The following TLL2 variants were observed in gnomAD, a reference collection of about 807,000 sequenced individuals.
The protein encoded by TLL2 is tolloid like 2, also known as tolloid-like protein 2.
Under a neutral mutation model 123.0 loss-of-function variants are expected in TLL2, and 106 were observed. The ratio of observed to expected loss-of-function variants is 0.86; its 90% confidence interval spans 0.74 to 1.01. TLL2 has a LOEUF of 1.01. Among genes scored for constraint, TLL2 ranks in the 50% least tolerant of loss-of-function variants. The probability of loss-of-function intolerance (pLI) is 0.00; values close to 1 mark genes in which losing one functional copy is unlikely to be tolerated. For synonymous variants in TLL2, 494 were observed against 516.8 expected (o/e 0.96, Z 0.60); for missense variants, 1,332 against 1,336.7 (o/e 1.00, Z 0.06).
At chr10:96,407,643 C>A (rs1475538883) in intron 9 of TLL2, among the ~76,000 whole-genome samples, 1 of 152,250 alleles carries the variant, frequency 6.6e-6, no homozygotes, top group Admixed American at 6.5e-5. Flanking sequence ...CCACACCTCG[C>A]AAGCTGCCCA....
intron 13 of TLL2, among the ~76,000 whole-genome samples, chr10:96,392,172 T>C (rs1206878365): frequency 6.6e-6 from 1 of 152,066 alleles, no homozygotes; most frequent in African/African-American, 2.4e-5. Context: ...GAAGGTGGCG[T>C]CTTCTAACCA....
At position 96,421,062 on chromosome 10, in the gene TLL2, C is replaced by T; in HGVS notation, c.818-1G>A. On this transcript the variant is annotated splice_acceptor_variant, in intron 6 of 20. Transcript: ENST00000357947. LOFTEE classifies it high-confidence loss of function. ...ATTTTTAAGAAATTATACTCCTGAC[C>T]TGTGACACAACACTGTGTTAAGCCC... The T allele has an allele frequency of 6.2e-7, 1 of 1,612,720 alleles. No homozygotes were observed. Among genetic ancestry groups the T allele is most frequent in the East Asian group, 2.2e-5 (1 of 44,876 alleles).
At position 96,379,664 on chromosome 10, in the gene TLL2, A is replaced by G. The variant is rs888552267; in HGVS notation, c.2195-572T>C. On this transcript the variant is annotated intron_variant, in intron 16 of 20. Transcript: ENST00000357947. ...TGGAGAAACCCTGCCTCTACTAAAAATACAAAAATTAGCCAGGCGTGGTGG... is the reference window on the plus strand; with the variant it reads ...TGGAGAAACCCTGCCTCTACTAAAAGTACAAAAATTAGCCAGGCGTGGTGG... 2.0e-5 allele frequency among the ~76,000 whole-genome samples: 3 copies of G among 152,156 alleles called. No homozygotes were observed. The South Asian group carries it at 6.2e-4, about 32-fold the overall frequency.
chr10:96,386,901 A>G (rs1395290707), intron 14 of TLL2, 52 bp downstream of exon 14: 9 of 1,599,622 alleles, frequency 5.6e-6, no homozygotes, highest in Non-Finnish European at 7.7e-6. Flanking sequence ...CACTTCCCCA[A>G]AGACTTGTCC....
At chr10:96,453,915 T>A (rs955698955) in intron 2 of TLL2, among the ~76,000 whole-genome samples, 10 of 152,114 alleles carry the variant, frequency 6.6e-5, no homozygotes, top group African/African-American at 2.4e-4. Flanking sequence ...CCAAATTTTG[T>A]TCAACATATT....
intron 19 of TLL2, among the ~76,000 whole-genome samples, chr10:96,370,573 G>A (rs1438312167): frequency 2.0e-5 from 3 of 152,254 alleles, no homozygotes; most frequent in Non-Finnish European, 4.4e-5. Flanking sequence ...CCATTGAAAA[G>A]AGTTGGCTGC....
At chr10:96,387,467 A>C (rs1030636219) in intron 13 of TLL2, among the ~76,000 whole-genome samples, 1 of 152,220 alleles carries the variant, frequency 6.6e-6, no homozygotes, top group Non-Finnish European at 1.5e-5. Context: ...TAAATATGCA[A>C]CTTCTCAGAG....
At chr10:96,509,730 G>A (rs988574815) in intron 1 of TLL2, among the ~76,000 whole-genome samples, 1 of 152,214 alleles carries the variant, frequency 6.6e-6, no homozygotes, top group East Asian at 1.9e-4. Flanking sequence ...GGCAGATCAC[G>A]AGGTCAGGAG....
intron 2 of TLL2, among the ~76,000 whole-genome samples, chr10:96,476,213 A>C (rs1847243389): frequency 2.4e-5 from 1 of 42,072 alleles, no homozygotes; most frequent in Non-Finnish European, 4.7e-5. Flanking sequence ...TTCCTTTTTA[A>C]TTTTATATGT....
At chr10:96,409,286 G>A (rs575674484) in intron 9 of TLL2, among the ~76,000 whole-genome samples, 2 of 152,326 alleles carry the variant, frequency 1.3e-5, no homozygotes, top group African/African-American at 4.8e-5. Flanking sequence ...ACCTTAATGA[G>A]CTTAAGATTT....
chr10:96,473,053 C>T (rs569988492), intron 2 of TLL2, among the ~76,000 whole-genome samples: 50 of 152,162 alleles, frequency 3.3e-4, no homozygotes, highest in African/African-American at 1.2e-3. Context: ...CATCAGCCCC[C>T]CCCAATCAGA....
chr10:96,401,153 C>T (rs544552120), intron 10 of TLL2, among the ~76,000 whole-genome samples: 1 of 152,294 alleles, frequency 6.6e-6, no homozygotes, highest in East Asian at 1.9e-4. Flanking sequence ...TACAAGTGGG[C>T]TCCATGGGGA....
intron 5 of TLL2, among the ~76,000 whole-genome samples, chr10:96,426,018 TTACA>T (rs1384368885): frequency 2.0e-5 from 3 of 152,102 alleles, no homozygotes; most frequent in African/African-American, 7.2e-5. Flanking sequence ...ATATTTATAC[TTACA>T]TATATATAAT....
chr10:96,421,118 G>T, intron 6 of TLL2, 57 bp from the exon 7 acceptor site: 1 of 1,373,092 alleles, frequency 7.3e-7, no homozygotes, highest in Non-Finnish European at 1.0e-6. Flanking sequence ...CCTGAAAGGA[G>T]GCAGAGGAAG....
At chr10:96,439,502 C>T (rs1469849680) in intron 3 of TLL2, among the ~76,000 whole-genome samples, 11 of 152,180 alleles carry the variant, frequency 7.2e-5, no homozygotes, top group Non-Finnish European at 1.5e-5. Flanking sequence ...CAAATTGCTG[C>T]AGACCTGTAT....
chr10:96,413,280 A>G lies in TLL2; in HGVS notation c.960T>C (p.Asp320=), dbSNP rs527907168. The part of the protein sequence containing the change: ...VFLDTILPRQ[D]DNGVRPTIGQ... The stretch of plus-strand genomic sequence containing the variant: ...CAATGGTTGGCCTGACGCCATTGTC[A>G]TCTTGACGGGGAAGGATGGTGTCTA... The change falls in exon 8 of 21, where the codon GAT becomes GAC. Residue 320 remains aspartate, a synonymous_variant. Coordinates refer to ENST00000357947, the MANE Select transcript of TLL2 (RefSeq NM_012465.4). 4 of 1,614,062 alleles carry G rather than the reference A, an allele frequency of 2.5e-6. No individual in the cohort carries two copies. Among genetic ancestry groups the G allele is most frequent in the Admixed American group, 1.7e-5 (1 of 60,026 alleles).
intron 20 of TLL2, among the ~76,000 whole-genome samples, chr10:96,368,633 A>C (rs1421494363): frequency 6.6e-6 from 1 of 152,216 alleles, no homozygotes. Context: ...CTGACAGTAA[A>C]GGATGCACCA....
chr10:96,384,727 G>T lies in TLL2; in HGVS notation c.2054C>A (p.Ser685Tyr), dbSNP rs759116246. The T allele has an allele frequency of 1.2e-6, 2 of 1,609,786 alleles. No homozygotes were observed. Among genetic ancestry groups the T allele is most frequent in the African/African-American group, 1.3e-5 (1 of 74,800 alleles). ...YDFVEVRSGL[S>Y]PDAKLHGRFC... is the part of the protein sequence containing the mutation. ...CCTGCCGTGCAGCTTGGCGTCGGGGGACAGGCCGCTGCGCACCTCTACAAA... is the reference window on the plus strand; with the variant it reads ...CCTGCCGTGCAGCTTGGCGTCGGGGTACAGGCCGCTGCGCACCTCTACAAA... The change falls in exon 16 of 21, where the codon TCC (serine) becomes TAC (tyrosine). Residue 685 changes from serine to tyrosine, a missense_variant. Transcript: ENST00000357947.
chr10:96,399,454 C>T (rs1327743160), intron 10 of TLL2, among the ~76,000 whole-genome samples: 1 of 152,118 alleles, frequency 6.6e-6, no homozygotes, highest in Non-Finnish European at 1.5e-5. Context: ...TTTGGGGAAA[C>T]ATGGGGGTAA....
Sources: allele counts gnomAD v4.1 joint callset (sites outside exome capture counted in the v4.1 genomes callset), GRCh38; gene constraint gnomAD v4.1.1; transcripts MANE v1.5; gene names NCBI Gene and HGNC (gene_info 2026-07-23, HGNC 2026-07-21).